RAD51B: variants seen among roughly 807,000 people sequenced by gnomAD.
RAD51B encodes DNA repair protein RAD51 homolog 2.
RAD51B carries 38 observed loss-of-function variants against 42.2 expected under a neutral mutation model. The observed-to-expected ratio is 0.90, with a 90% CI of 0.70 to 1.18. The LOEUF (loss-of-function observed/expected upper bound fraction) is 1.18. Ranked by LOEUF, RAD51B falls within the 50% of genes most tolerant of loss-of-function variation. The pLI, the probability that RAD51B is intolerant of heterozygous loss-of-function variation, is 0.00. For missense variants in RAD51B, 373 were observed against 400.7 expected (o/e 0.93, Z 0.59); for synonymous variants, 154 against 145.2 (o/e 1.06, Z -0.43).
At position 68,122,497 on chromosome 14, in the gene RAD51B, A is replaced by AAACATGATATATCATATT. The variant is rs1269617292; in HGVS notation, c.757-169385_757-169368dup. On this transcript the variant is annotated intron_variant, in intron 7 of 10. Coordinates refer to ENST00000471583, the MANE Select transcript of RAD51B (RefSeq NM_133510.4). ...TCCCTCCTGATGAAAATTAAATGGA[A>AAACATGATATATCATATT]AACATGATATATCATATTATTGAAG... 8.5e-5 allele frequency among the ~76,000 whole-genome samples: 13 copies of AAACATGATATATCATATT among 152,218 alleles called. 1 individual carries two copies. In the East Asian group the frequency reaches 2.5e-3, roughly 29 times the overall value.
intron 7 of RAD51B, among the ~76,000 whole-genome samples, chr14:68,139,878 A>T (rs2078091157): frequency 6.6e-6 from 1 of 152,172 alleles, no homozygotes; most frequent in Non-Finnish European, 1.5e-5. Flanking sequence ...AGGCTCTAGA[A>T]TGAGGTCTGC....
intron 8 of RAD51B, among the ~76,000 whole-genome samples, chr14:68,399,350 G>A (rs1445362561): frequency 6.8e-6 from 1 of 147,354 alleles, no homozygotes; most frequent in South Asian, 2.1e-4. Context: ...TCCTCTTCCC[G>A]GGTTCACGCC....
intron 7 of RAD51B, among the ~76,000 whole-genome samples, chr14:68,214,195 C>T (rs2079767683): frequency 1.3e-5 from 2 of 152,128 alleles, no homozygotes; most frequent in African/African-American, 2.4e-5. Context: ...CCTGACTTCT[C>T]GACTGTGAAT....
At chr14:67,939,902 A>G (rs1187145684) in intron 7 of RAD51B, among the ~76,000 whole-genome samples, 3 of 149,830 alleles carry the variant, frequency 2.0e-5, no homozygotes, top group African/African-American at 7.4e-5. Flanking sequence ...AAATATTTTA[A>G]TTCATAAATT....
At chr14:67,880,372 C>T (rs1165812793) in intron 5 of RAD51B, among the ~76,000 whole-genome samples, 1 of 152,156 alleles carries the variant, frequency 6.6e-6, no homozygotes. Context: ...AAAATGGTCT[C>T]CCATGGAAAA....
intron 7 of RAD51B, among the ~76,000 whole-genome samples, chr14:68,150,425 T>G (rs2078353088): frequency 6.6e-6 from 1 of 152,146 alleles, no homozygotes; most frequent in South Asian, 2.1e-4. Flanking sequence ...CTTAACAATA[T>G]TGAGTCTTCT....
chr14:68,005,924 T>G (rs563463462), intron 7 of RAD51B, among the ~76,000 whole-genome samples: 111 of 151,968 alleles, frequency 7.3e-4, no homozygotes, highest in African/African-American at 2.6e-3. Flanking sequence ...ACATGGCAGG[T>G]GGAAGAGAGA....
chr14:68,035,200 T>G (rs952252446), intron 7 of RAD51B, among the ~76,000 whole-genome samples: 14 of 152,222 alleles, frequency 9.2e-5, no homozygotes, highest in Non-Finnish European at 2.1e-4. Context: ...GACTTTTTTC[T>G]TTTCTTTCTC....
chr14:68,483,295 A>G (rs945461169), intron 10 of RAD51B, among the ~76,000 whole-genome samples: 13 of 152,190 alleles, frequency 8.5e-5, no homozygotes, highest in African/African-American at 2.9e-4. Flanking sequence ...TCACGCTTGT[A>G]TATACCTTTC....
intron 7 of RAD51B, among the ~76,000 whole-genome samples, chr14:68,039,372 G>A (rs931910164): frequency 6.8e-6 from 1 of 146,716 alleles, no homozygotes; most frequent in African/African-American, 2.6e-5. Context: ...AGGTTGCTGT[G>A]AGCCATTATG....
At chr14:68,471,248 T>C (rs1566903116) in intron 10 of RAD51B, among the ~76,000 whole-genome samples, 2 of 152,094 alleles carry the variant, frequency 1.3e-5, no homozygotes, top group Non-Finnish European at 2.9e-5. Flanking sequence ...CGGTCTTCAA[T>C]AGAGCCACCT....
chr14:68,468,037 G>GT, intron 9 of RAD51B, 135 bp from the exon 10 acceptor site: 3 of 726,388 alleles, frequency 4.1e-6, no homozygotes, highest in Non-Finnish European at 7.0e-6. Context: ...GTTATAAAAT[G>GT]GTTTTTTTTT....
In RAD51B at chr14:68,286,014, G is replaced by T. The variant is rs537882018; in HGVS notation, c.757-5870G>T. On this transcript the variant is annotated intron_variant, in intron 7 of 10. Coordinates refer to ENST00000471583, the MANE Select transcript of RAD51B (RefSeq NM_133510.4). ...AGACTTTTATCACAAGATTGATCTT[G>T]TTACAGTGTAGCATCTTGACCATCT... Among the ~76,000 whole-genome samples the T allele has an allele frequency of 5.3e-5, 8 of 152,312 alleles. No individual in the cohort carries two copies. The East Asian group carries it at 1.5e-3, about 29-fold the overall frequency.
intron 10 of RAD51B, among the ~76,000 whole-genome samples, chr14:68,537,408 A>G (rs1327808770): frequency 6.6e-6 from 1 of 151,778 alleles, no homozygotes; most frequent in Non-Finnish European, 1.5e-5. Context: ...CTGAGGCAGG[A>G]GAGTGGCATG....
At chr14:68,365,407 C>T (rs2083121377) in intron 8 of RAD51B, among the ~76,000 whole-genome samples, 1 of 152,192 alleles carries the variant, frequency 6.6e-6, no homozygotes, top group Non-Finnish European at 1.5e-5. Context: ...GAAGGCAGTC[C>T]CACCTCAGAG....
chr14:68,030,685 G>T (rs1322143182), intron 7 of RAD51B, among the ~76,000 whole-genome samples: 2 of 152,192 alleles, frequency 1.3e-5, no homozygotes. Flanking sequence ...TTGTTCACTG[G>T]AGTAGCAGAT....
At chr14:68,531,178 G>A (rs1887282092) in intron 10 of RAD51B, among the ~76,000 whole-genome samples, 1 of 149,240 alleles carries the variant, frequency 6.7e-6, no homozygotes, top group African/African-American at 2.5e-5. Flanking sequence ...AATGAAAGAA[G>A]ACAGGAAAGA....
chr14:68,156,649 T>C (rs2078518335), intron 7 of RAD51B, among the ~76,000 whole-genome samples: 1 of 152,206 alleles, frequency 6.6e-6, no homozygotes, highest in Non-Finnish European at 1.5e-5. Flanking sequence ...ATGTACACTG[T>C]GATATTTATT....
intron 5 of RAD51B, among the ~76,000 whole-genome samples, chr14:67,870,856 A>G (rs974411088): frequency 6.3e-5 from 8 of 126,022 alleles, no homozygotes; most frequent in Non-Finnish European, 1.7e-5. Flanking sequence ...TAACGAAATG[A>G]AGGCAGAAAT....
Sources: allele counts gnomAD v4.1 joint callset (sites outside exome capture counted in the v4.1 genomes callset), GRCh38; gene constraint gnomAD v4.1.1; transcripts MANE v1.5; gene names NCBI Gene and HGNC (gene_info 2026-07-23, HGNC 2026-07-21).